Variants in HS6ST2 observed in about 807,000 individuals in gnomAD.
The protein encoded by HS6ST2 is heparan sulfate 6-O-sulfotransferase 2.
In HS6ST2, 17 loss-of-function variants were observed where a neutral mutation model predicts 33.0. The observed-to-expected ratio is 0.52, with a 90% confidence interval of 0.35 to 0.77. The LOEUF (loss-of-function observed/expected upper bound fraction) is 0.77, where lower values mean the gene tolerates loss of function less well. Among genes scored for constraint, HS6ST2 ranks in the 30% least tolerant of loss-of-function variants. The pLI is 0.01. For synonymous variants in HS6ST2, 248 were observed against 237.1 expected (o/e 1.05, Z -0.42); for missense variants, 519 against 551.7 (o/e 0.94, Z 0.59).
chrX:132,856,238 G>A (rs1205985016), intron 2 of HS6ST2, among the ~76,000 whole-genome samples: 1 of 112,153 alleles, frequency 8.9e-6, no homozygotes, highest in African/African-American at 3.2e-5. Context: ...GATATTCTGA[G>A]AGAAAAAGAC....
At chrX:132,702,857 A>G (rs2064156333) in intron 3 of HS6ST2, among the ~76,000 whole-genome samples, 3 of 111,836 alleles carry the variant, frequency 2.7e-5, no homozygotes, top group Non-Finnish European at 5.6e-5. Context: ...TGTCTGTCGT[A>G]TTGTCCCCCA....
At chrX:132,770,384 C>T (rs975589483) in intron 2 of HS6ST2, among the ~76,000 whole-genome samples, 4 of 111,659 alleles carry the variant, frequency 3.6e-5, no homozygotes, top group African/African-American at 9.8e-5. Flanking sequence ...TTAGTTCATC[C>T]ATGCATCACT....
At chrX:132,929,100 GA>G (rs1025619969) in intron 2 of HS6ST2, among the ~76,000 whole-genome samples, 16 of 106,649 alleles carry the variant, frequency 1.5e-4, no homozygotes, top group South Asian at 8.2e-4. Context: ...TTTGATCTTT[GA>G]AAAAAAAAAT....
At chrX:132,649,180 G>A (rs2063669859) in intron 4 of HS6ST2, among the ~76,000 whole-genome samples, 1 of 111,930 alleles carries the variant, frequency 8.9e-6, no homozygotes, top group African/African-American at 3.3e-5. Context: ...AGGATGAGTG[G>A]ACTCTGGAAA....
At chrX:132,750,499 G>C (rs184085202) in intron 2 of HS6ST2, among the ~76,000 whole-genome samples, 2 of 111,759 alleles carry the variant, frequency 1.8e-5, no homozygotes, top group East Asian at 5.6e-4. Context: ...TATGTGGGCT[G>C]TACAGTAGTG....
rs1284922422 is a variant in HS6ST2, at chrX:132,684,580, G to T, written c.981-15381C>A. 1.0e-4 allele frequency among the ~76,000 whole-genome samples: 11 copies of T among 110,270 alleles called. No individual in the cohort carries two copies. In the Admixed American group the frequency reaches 1.1e-3, roughly 11 times the overall value. ...GGCCTTGGACCAGTGGCTCCCTAAA[G>T]CACCTGCTCATGGGACAATAGGAAG... On this transcript the variant is annotated intron_variant, in intron 3 of 4. Coordinates refer to ENST00000370833, the MANE Select transcript of HS6ST2 (RefSeq NM_001394073.1).
chrX:132,656,970 C>A (rs1248422260), intron 4 of HS6ST2, among the ~76,000 whole-genome samples: 1 of 111,578 alleles, frequency 9.0e-6, no homozygotes, highest in Non-Finnish European at 1.9e-5. Context: ...TGAACTCAGG[C>A]TCAATGGCCT....
chrX:132,721,860 A>T (rs781460795), intron 2 of HS6ST2, among the ~76,000 whole-genome samples: 6 of 111,734 alleles, frequency 5.4e-5, no homozygotes, highest in East Asian at 2.8e-4. Flanking sequence ...AAGAGGAAAA[A>T]CTTCAAATAA....
rs754307405 is a variant in HS6ST2 at position 132,958,305 on chromosome X, C to T, written c.298G>A (p.Val100Ile). Reference protein sequence around the residue: ...LSRGRRRRMHVLRRRWDLGSL... With the variant: ...LSRGRRRRMHILRRRWDLGSL... ...CCCAGGTCCCAGCGTCGCCTGAGGA[C>T]GTGCATCCGCCTGCGGCGGCCCCGG... The change falls in exon 1 of 5, where the codon GTC becomes ATC. Residue 100 changes from valine to isoleucine, a missense_variant. Val to Ile is a conservative substitution (Grantham distance 29). Coordinates refer to ENST00000370833, the MANE Select transcript of HS6ST2 (RefSeq NM_001394073.1). The T allele has an allele frequency of 4.2e-6, 5 of 1,195,420 alleles. No homozygotes were observed. The highest frequency in any genetic ancestry group is 5.6e-6 in the Non-Finnish European group (5 of 892,579).
upstream of HS6ST2, chrX:132,961,117 TG>T (rs943872420): frequency 5.6e-5 from 4 of 70,867 alleles, no homozygotes; most frequent in East Asian, 1.3e-3. Context: ...GGGGAAAGAC[TG>T]GGGGTAGGAG....
At chrX:132,799,148 A>G (rs1325315739) in intron 2 of HS6ST2, among the ~76,000 whole-genome samples, 5 of 111,039 alleles carry the variant, frequency 4.5e-5, no homozygotes, top group Non-Finnish European at 9.4e-5. Flanking sequence ...AAGTCCTTTC[A>G]GAGAAACTGA....
intron 2 of HS6ST2, among the ~76,000 whole-genome samples, chrX:132,853,733 T>C (rs999742841): frequency 1.8e-5 from 2 of 110,891 alleles, no homozygotes; most frequent in African/African-American, 6.6e-5. Context: ...TAGGGACTAA[T>C]GTACATCAAA....
At chrX:132,857,184 C>T (rs1353937574) in intron 2 of HS6ST2, among the ~76,000 whole-genome samples, 1 of 112,149 alleles carries the variant, frequency 8.9e-6, no homozygotes, top group Non-Finnish European at 1.9e-5. Context: ...AAAGGTGAAC[C>T]ATTGAAAAAG....
chrX:132,935,628 T>C (rs1416651821), intron 2 of HS6ST2, among the ~76,000 whole-genome samples: 1 of 111,709 alleles, frequency 9.0e-6, no homozygotes, highest in Non-Finnish European at 1.9e-5. Context: ...ACAATGTATG[T>C]TCTCCAATCA....
In HS6ST2 at chrX:132,813,101, G is replaced by A. The variant is rs185071340; in HGVS notation, c.948-104607C>T. Among the ~76,000 whole-genome samples the A allele has an allele frequency of 2.1e-3, 231 of 111,458 alleles. 1 individual carries two copies. The highest frequency in any genetic ancestry group is 3.6e-3 in the Non-Finnish European group (193 of 53,087). On this transcript the variant is annotated intron_variant, in intron 2 of 4. Transcript: ENST00000370833. ...AGAGTTGTCTACATTTATGTCTCCA[G>A]GTCTCCATTCCTCATTCAGTTTCCA...
At chrX:132,746,087 C>T (rs1329635598) in intron 2 of HS6ST2, among the ~76,000 whole-genome samples, 1 of 111,663 alleles carries the variant, frequency 9.0e-6, no homozygotes, top group Non-Finnish European at 1.9e-5. Flanking sequence ...CCTCCAATGA[C>T]CCAGGATCCT....
At chrX:132,666,496 T>C (rs970939083) in intron 4 of HS6ST2, among the ~76,000 whole-genome samples, 1 of 111,796 alleles carries the variant, frequency 8.9e-6, no homozygotes, top group Admixed American at 9.5e-5. Flanking sequence ...CAGGTGGGCA[T>C]ATCATTATCC....
intron 2 of HS6ST2, among the ~76,000 whole-genome samples, chrX:132,941,128 A>G (rs938003282): frequency 2.7e-5 from 3 of 112,108 alleles, no homozygotes; most frequent in Admixed American, 9.5e-5. Context: ...TTAAAACAGA[A>G]GAGTTCGTCA....
At chrX:132,841,744 C>T (rs2065708536) in intron 2 of HS6ST2, among the ~76,000 whole-genome samples, 1 of 112,175 alleles carries the variant, frequency 8.9e-6, no homozygotes, top group Non-Finnish European at 1.9e-5. Flanking sequence ...AAAGACAAAA[C>T]TCCAGCTTTG....
Sources: allele counts gnomAD v4.1 joint callset (sites outside exome capture counted in the v4.1 genomes callset), GRCh38; gene constraint gnomAD v4.1.1; transcripts MANE v1.5; gene names NCBI Gene and HGNC (gene_info 2026-07-23, HGNC 2026-07-21).